The following DPP6 variants were observed in gnomAD, a reference collection of about 807,000 sequenced individuals.
DPP6 encodes A-type potassium channel modulatory protein DPP6.
DPP6 carries 69 observed loss-of-function variants against 122.6 expected under a neutral mutation model. That is an observed-to-expected ratio of 0.56 (90% CI 0.46 to 0.69). The LOEUF is 0.69. Ranked by LOEUF, DPP6 falls within the 30% of genes least tolerant of loss-of-function variation. The probability of loss-of-function intolerance (pLI) is 0.00; values close to 1 mark genes in which losing one functional copy is unlikely to be tolerated. For missense variants in DPP6, 928 were observed against 1,116.9 expected, an observed-to-expected ratio of 0.83 and a Z score of 2.41; for synonymous variants, 418 against 433.1, an observed-to-expected ratio of 0.97 and a Z score of 0.43.
chr7:154,369,287 G>T (rs571323958), intron 1 of DPP6, among the ~76,000 whole-genome samples: 1 of 151,122 alleles, frequency 6.6e-6, no homozygotes, highest in African/African-American at 2.4e-5. Context: ...TAGAGATGAG[G>T]TTTCACCATA....
chr7:153,879,532 G>A, the DPP6 span, among the ~76,000 whole-genome samples: 2 of 152,078 alleles, frequency 1.3e-5, no homozygotes, highest in East Asian at 1.9e-4. Context: ...TGGGACTGCA[G>A]GTGCACGCCA....
chr7:154,547,212 C>T (rs1054233612), intron 4 of DPP6, among the ~76,000 whole-genome samples: 1 of 152,192 alleles, frequency 6.6e-6, no homozygotes, highest in African/African-American at 2.4e-5. Flanking sequence ...CCAGCAATGG[C>T]CCATGAGCCA....
intron 3 of DPP6, among the ~76,000 whole-genome samples, chr7:154,503,903 G>A (rs943921422): frequency 6.6e-6 from 1 of 152,132 alleles, no homozygotes; most frequent in Non-Finnish European, 1.5e-5. Flanking sequence ...CATGGCACAT[G>A]TTTACCCATG....
chr7:154,588,030 G>C (rs369399467), intron 5 of DPP6: 2 of 1,612,254 alleles, frequency 1.2e-6, no homozygotes, highest in Non-Finnish European at 1.7e-6. Flanking sequence ...TGCTCACCCC[G>C]GGGATAATGC....
intron 20 of DPP6, 141 bp from the exon 21 acceptor site, chr7:154,880,747 T>C (rs1805321588): frequency 1.4e-6 from 2 of 1,411,872 alleles, no homozygotes; most frequent in Non-Finnish European, 1.9e-6. Context: ...TAAATAATTA[T>C]ATTGGAATGC....
chr7:154,801,125 G>C (rs1184139368), intron 12 of DPP6, among the ~76,000 whole-genome samples: 2 of 152,084 alleles, frequency 1.3e-5, no homozygotes, highest in South Asian at 4.2e-4. Context: ...ATTTGCCACT[G>C]CCGGGGCTGT....
chr7:154,371,270 T>A (rs1157564085), intron 1 of DPP6, among the ~76,000 whole-genome samples: 1 of 147,462 alleles, frequency 6.8e-6, no homozygotes, highest in Non-Finnish European at 1.5e-5. Flanking sequence ...TCCCAGCTAC[T>A]CGGGAGGCTG....
chr7:153,836,673 G>A, the DPP6 span, among the ~76,000 whole-genome samples: 1,663 of 152,240 alleles, frequency 0.011, 36 homozygotes, highest in African/African-American at 0.038. Context: ...TTCATAAAAC[G>A]TAGGTAGCCT....
the DPP6 span, among the ~76,000 whole-genome samples, chr7:153,792,395 A>G: frequency 6.6e-6 from 1 of 152,370 alleles, no homozygotes; most frequent in Non-Finnish European, 1.5e-5. Flanking sequence ...AGTTTCAGCA[A>G]TAGTTTGACT....
At chr7:153,762,215 T>A in the DPP6 span, among the ~76,000 whole-genome samples, 1 of 152,240 alleles carries the variant, frequency 6.6e-6, no homozygotes, top group Non-Finnish European at 1.5e-5. Context: ...CCACGGAGAA[T>A]AGATTCTAAT....
intron 8 of DPP6, among the ~76,000 whole-genome samples, chr7:154,747,527 C>T (rs373893096): frequency 1.3e-5 from 2 of 152,194 alleles, no homozygotes; most frequent in Admixed American, 6.5e-5. Flanking sequence ...CTAGCAGCAT[C>T]GACCTTGTGG....
chr7:154,807,036 T>A lies in DPP6; in HGVS notation c.1590T>A (p.Cys530Ter). 4 of 1,613,946 alleles carry A rather than the reference T, an allele frequency of 2.5e-6. No homozygotes were observed. Among genetic ancestry groups the A allele is most frequent in the Non-Finnish European group, 3.4e-6 (4 of 1,179,866 alleles). ...ACTTCAACAGGCAGTGCCTCTCCTG[T>A]GACCTGGTTGAGAACTGCACCTACT... ...VGNFNRQCLS[C>*]DLVENCTYFS... is the part of the protein sequence containing the mutation. The change falls in exon 16 of 26, where the codon TGT becomes TGA. Residue 530 changes from cysteine (C) to a stop codon, truncating the protein, a stop_gained. Transcript: ENST00000377770. LOFTEE classifies it high-confidence loss of function.
At position 154,618,615 on chromosome 7, in the gene DPP6, C is replaced by CA. The variant is rs1309675462; in HGVS notation, c.628-19205dup. ...TTTATGATGTGCTCAGAGCCACGCACAGGATCGCTAGAAGCCGGGGCCACA... is the reference window on the plus strand; with the variant it reads ...TTTATGATGTGCTCAGAGCCACGCACAAGGATCGCTAGAAGCCGGGGCCACA... On this transcript the variant is annotated intron_variant, in intron 5 of 25. Transcript: ENST00000377770. This position sits in a 1 kb window ranked among gnomAD's most constrained non-coding sequence, Gnocchi z 4.1. Among the ~76,000 whole-genome samples the CA allele has an allele frequency of 6.6e-6, 1 of 152,212 alleles. No homozygotes were observed. The highest frequency in any genetic ancestry group is 6.5e-5 in the Admixed American group (1 of 15,284).
At chr7:154,522,046 C>G (rs150477858) in intron 3 of DPP6, among the ~76,000 whole-genome samples, 1 of 152,134 alleles carries the variant, frequency 6.6e-6, no homozygotes. Context: ...CTACTGCAAG[C>G]TCCACCTCCC....
At chr7:153,804,549 G>T in the DPP6 span, among the ~76,000 whole-genome samples, 25 of 152,226 alleles carry the variant, frequency 1.6e-4, no homozygotes, top group African/African-American at 5.3e-4. Context: ...GATGTCAGAG[G>T]CTTATGAGAA....
At chr7:154,725,508 A>G (rs1842022527) in intron 7 of DPP6, among the ~76,000 whole-genome samples, 1 of 152,152 alleles carries the variant, frequency 6.6e-6, no homozygotes, top group African/African-American at 2.4e-5. Flanking sequence ...TTAAACAGCC[A>G]GATCTCATGA....
At chr7:154,495,455 C>T (rs534912925) in intron 3 of DPP6, among the ~76,000 whole-genome samples, 28 of 151,676 alleles carry the variant, frequency 1.8e-4, no homozygotes, top group African/African-American at 6.8e-4. Context: ...GGCTAAAGTG[C>T]AGTGGCTCAC....
At chr7:154,236,196 T>A (rs546679996) in intron 1 of DPP6, among the ~76,000 whole-genome samples, 4 of 152,164 alleles carry the variant, frequency 2.6e-5, no homozygotes, top group Non-Finnish European at 5.9e-5. Context: ...ATACCAAACC[T>A]AATAGGAATG....
At chr7:154,825,878 A>G (rs181673323) in intron 16 of DPP6, among the ~76,000 whole-genome samples, 1 of 152,226 alleles carries the variant, frequency 6.6e-6, no homozygotes, top group Non-Finnish European at 1.5e-5. Context: ...TTATTCTCAC[A>G]AGGCCTGTTG....
Sources: allele counts gnomAD v4.1 joint callset (sites outside exome capture counted in the v4.1 genomes callset), GRCh38; gene constraint gnomAD v4.1.1; non-coding constraint Gnocchi (gnomAD v3.1); transcripts MANE v1.5; gene names NCBI Gene and HGNC (gene_info 2026-07-23, HGNC 2026-07-21).